VGLL4: variants seen among roughly 807,000 people sequenced by gnomAD.
VGLL4 encodes transcription cofactor vestigial-like protein 4.
In VGLL4, 7 loss-of-function variants were observed where a neutral mutation model predicts 21.0. That is an observed-to-expected ratio of 0.33 (90% CI 0.19 to 0.63). The LOEUF (loss-of-function observed/expected upper bound fraction) is 0.63, where lower values mean the gene tolerates loss of function less well. VGLL4 is among the 20% of genes least tolerant of loss of function. The pLI, the probability that VGLL4 is intolerant of heterozygous loss-of-function variation, is 0.78. For missense variants in VGLL4, 394 were observed against 425.7 expected (o/e 0.93, Z 0.66); for synonymous variants, 222 against 173.2 (o/e 1.28, Z -2.21).
intron 2 of VGLL4, among the ~76,000 whole-genome samples, chr3:11,598,457 GA>G (rs1305154337): frequency 1.3e-5 from 2 of 151,226 alleles, no homozygotes; most frequent in Non-Finnish European, 2.9e-5. Flanking sequence ...GCTAGCTACC[GA>G]AACTATTTTT....
Position 11,564,962 on chromosome 3 carries a change from G to A in VGLL4, c.330C>T (p.Pro110=). 6.4e-7 allele frequency: 1 copy of A among 1,554,008 alleles called. No homozygotes were observed. The highest frequency in any genetic ancestry group is 8.7e-7 in the Non-Finnish European group (1 of 1,150,158). ...RRDPRERSRS[P]IERAVAPTMS... is the part of the protein sequence containing the mutation. ...TGGTGGGGGCCACAGCGCGCTCGAT[G>A]GGGCTGCGGCTCCGCTCCCGGGGGT... The change falls in exon 3 of 5, where the codon CCC becomes CCT. Residue 110 remains proline, a synonymous_variant. Transcript: ENST00000430365.
intron 2 of VGLL4, among the ~76,000 whole-genome samples, chr3:11,686,879 ATTG>A (rs759859610): frequency 6.6e-6 from 1 of 152,186 alleles, no homozygotes; most frequent in Non-Finnish European, 1.5e-5. Context: ...AACCACCATT[ATTG>A]TTGTTATCTT....
intron 1 of VGLL4, among the ~76,000 whole-genome samples, chr3:11,623,465 C>G (rs1350744369): frequency 6.6e-6 from 1 of 152,052 alleles, no homozygotes; most frequent in Non-Finnish European, 1.5e-5. Flanking sequence ...GCAATATTTT[C>G]TGTCTGCAAT....
chr3:11,710,458 A>C (rs978667927), intron 1 of VGLL4: 8 of 152,176 alleles, frequency 5.3e-5, no homozygotes, highest in African/African-American at 1.9e-4. Flanking sequence ...GAGAACATGG[A>C]GCAACTACCT....
At chr3:11,594,794 G>T (rs1157850885) in intron 2 of VGLL4, among the ~76,000 whole-genome samples, 1 of 152,228 alleles carries the variant, frequency 6.6e-6, no homozygotes, top group African/African-American at 2.4e-5. Context: ...ATGCATGCAG[G>T]TAATAGAGTG....
intron 2 of VGLL4, among the ~76,000 whole-genome samples, chr3:11,650,075 T>C (rs755109298): frequency 1.3e-5 from 2 of 152,082 alleles, no homozygotes; most frequent in South Asian, 2.1e-4. Context: ...CACAGGTGCA[T>C]GCCACCGTGT....
chr3:11,642,239 C>T (rs757293498), intron 1 of VGLL4, among the ~76,000 whole-genome samples: 1 of 152,046 alleles, frequency 6.6e-6, no homozygotes, highest in Non-Finnish European at 1.5e-5. Context: ...AACAAATACT[C>T]TTTTTAAAAA....
intron 1 of VGLL4, among the ~76,000 whole-genome samples, chr3:11,639,800 C>A (rs970124756): frequency 1.3e-5 from 2 of 151,960 alleles, no homozygotes; most frequent in African/African-American, 4.8e-5. Flanking sequence ...CACTTGAACC[C>A]GGGAGGCAGA....
chr3:11,653,641 T>A lies in VGLL4; in HGVS notation c.64+49330A>T, dbSNP rs112083817. Among the ~76,000 whole-genome samples the A allele has an allele frequency of 6.6e-6, 1 of 152,210 alleles. No individual in the cohort carries two copies. Among genetic ancestry groups the A allele is most frequent in the Non-Finnish European group, 1.5e-5 (1 of 68,034 alleles). ...CCTCGGAATGCATTTCTGTCGCACA[T>A]GTACTCAGAAGCAGATACGCAGAAA... On this transcript the variant is annotated intron_variant, in intron 2 of 5. Transcript: ENST00000273038. This position sits in a 1 kb window ranked among gnomAD's most constrained non-coding sequence, Gnocchi z 4.2.
chr3:11,643,567 G>A lies in VGLL4; in HGVS notation c.-49C>T. The A allele has an allele frequency of 6.2e-7, 1 of 1,611,714 alleles. No individual in the cohort carries two copies. Among genetic ancestry groups the A allele is most frequent in the Non-Finnish European group, 8.5e-7 (1 of 1,179,044 alleles). ...AGCTCTTTGCTTTTGCCCCAAAAGA[G>A]TTAAGTTTCAAAAATCAATTGTTGC... On this transcript the variant is annotated 5_prime_UTR_variant, in exon 1 of 5. Transcript: ENST00000430365.
chr3:11,674,312 A>C (rs1176229408), intron 2 of VGLL4, among the ~76,000 whole-genome samples: 2 of 152,200 alleles, frequency 1.3e-5, no homozygotes, highest in Non-Finnish European at 2.9e-5. Context: ...AGGATTCCCC[A>C]GAACGAACGC....
At chr3:11,562,624 CGGAT>C in intron 3 of VGLL4, among the ~76,000 whole-genome samples, 1 of 152,356 alleles carries the variant, frequency 6.6e-6, no homozygotes, top group South Asian at 2.1e-4. Flanking sequence ...GAGCCCAGCT[CGGAT>C]TGGTGTGCAT....
chr3:11,606,252 C>A (rs1173928348), intron 1 of VGLL4, among the ~76,000 whole-genome samples: 2 of 152,204 alleles, frequency 1.3e-5, no homozygotes, highest in Non-Finnish European at 2.9e-5. Flanking sequence ...CCCACCAGGT[C>A]CCTCCCACAA....
rs2075742190 is a variant in VGLL4, at chr3:11,643,783, G to A, written c.-265C>T. The A allele has an allele frequency of 8.4e-7, 1 of 1,188,696 alleles. No homozygotes were observed. The highest frequency in any genetic ancestry group is 1.0e-6 in the Non-Finnish European group (1 of 958,060). The allele number at this position is 1,188,696 out of a possible 1,614,324, so 73.6% of individuals were successfully genotyped here. On this transcript the variant is annotated 5_prime_UTR_variant, in exon 1 of 5. Coordinates refer to ENST00000430365, the MANE Select transcript of VGLL4 (RefSeq NM_001128219.3). Reference sequence around the variant, plus strand: ...GATCGAGTATGAAAACAGCGTTTCAGAAGTCCTTACAAGTCCTTCCTGGAA... The same window carrying A: ...GATCGAGTATGAAAACAGCGTTTCAAAAGTCCTTACAAGTCCTTCCTGGAA...
At chr3:11,703,279 T>C (rs1179396516) in intron 1 of VGLL4, among the ~76,000 whole-genome samples, 1 of 152,234 alleles carries the variant, frequency 6.6e-6, no homozygotes, top group African/African-American at 2.4e-5. Flanking sequence ...GCAGCTGATG[T>C]AGGAACTAAA....
At chr3:11,632,312 CAAAAATAAAAA>C (rs949381130) in intron 1 of VGLL4, among the ~76,000 whole-genome samples, 2 of 36,610 alleles carry the variant, frequency 5.5e-5, no homozygotes, top group Non-Finnish European at 1.3e-4. Context: ...CACTCTGTCT[CAAAAATAAAAA>C]AAAAATAAAA....
chr3:11,690,309 C>T (rs2125391628), intron 2 of VGLL4, among the ~76,000 whole-genome samples: 1 of 152,188 alleles, frequency 6.6e-6, no homozygotes, highest in African/African-American at 2.4e-5. Flanking sequence ...TTTTCTAATA[C>T]TATTACAGAT....
At chr3:11,656,246 C>T (rs2075957114) in intron 2 of VGLL4, among the ~76,000 whole-genome samples, 1 of 152,188 alleles carries the variant, frequency 6.6e-6, no homozygotes, top group Non-Finnish European at 1.5e-5. Context: ...GGGAGTGCTT[C>T]CCAAATATTA....
At chr3:11,671,262 C>T (rs925785565) in intron 2 of VGLL4, 10 of 1,565,958 alleles carry the variant, frequency 6.4e-6, no homozygotes, top group Middle Eastern at 1.7e-4. Flanking sequence ...ACATTTTTAC[C>T]ATGGTGCAGA....
Sources: allele counts gnomAD v4.1 joint callset (sites outside exome capture counted in the v4.1 genomes callset), GRCh38; gene constraint gnomAD v4.1.1; non-coding constraint Gnocchi (gnomAD v3.1); transcripts MANE v1.5; gene names NCBI Gene and HGNC (gene_info 2026-07-23, HGNC 2026-07-21).